Variants in AGO3 observed in about 807,000 individuals in gnomAD.
The protein encoded by AGO3 is argonaute RISC catalytic component 3, also known as protein argonaute-3.
Under a neutral mutation model 105.5 loss-of-function variants are expected in AGO3, and 16 were observed. That is an observed-to-expected ratio of 0.15 (90% CI 0.10 to 0.23). The LOEUF (loss-of-function observed/expected upper bound fraction) is 0.23, where lower values mean the gene tolerates loss of function less well. AGO3 is among the 10% of genes least tolerant of loss of function. AGO3 has a pLI of 1.00. For missense variants in AGO3, 534 were observed against 1,088.0 expected (o/e 0.49, Z 7.16); for synonymous variants, 340 against 367.3 (o/e 0.93, Z 0.85).
At chr1:36,022,933 CAAAAAAAA>C (rs1276165724) in intron 11 of AGO3, among the ~76,000 whole-genome samples, 3 of 25,390 alleles carry the variant, frequency 1.2e-4, no homozygotes, top group East Asian at 4.7e-4. Flanking sequence ...AAAAAAAAAA[CAAAAAAAA>C]AAACAAAAAA....
At chr1:36,049,687 A>G (rs1329493120) in intron 17 of AGO3, among the ~76,000 whole-genome samples, 1 of 152,212 alleles carries the variant, frequency 6.6e-6, no homozygotes, top group Non-Finnish European at 1.5e-5. Flanking sequence ...AAAGACACAT[A>G]TAAACTGAAA....
chr1:36,039,151 G>C (rs1338378876), intron 14 of AGO3, among the ~76,000 whole-genome samples: 1 of 152,050 alleles, frequency 6.6e-6, no homozygotes, highest in African/African-American at 2.4e-5. Flanking sequence ...CCTATACTAG[G>C]TGTTTTATTC....
intron 2 of AGO3, among the ~76,000 whole-genome samples, chr1:35,952,420 G>C (rs1646491667): frequency 1.3e-5 from 2 of 151,760 alleles, no homozygotes; most frequent in African/African-American, 4.9e-5. Context: ...TAGGATTACA[G>C]GGGTGAGCCA....
chr1:35,963,522 G>A (rs1261816921), intron 2 of AGO3, among the ~76,000 whole-genome samples: 2 of 152,016 alleles, frequency 1.3e-5, no homozygotes, highest in African/African-American at 4.8e-5. Flanking sequence ...TTAGGAAATG[G>A]AGATGGAAAG....
At chr1:36,018,174 A>T (rs1228421777) in intron 11 of AGO3, among the ~76,000 whole-genome samples, 1 of 151,750 alleles carries the variant, frequency 6.6e-6, no homozygotes, top group African/African-American at 2.4e-5. Context: ...GGGTTTCACC[A>T]CGTTAGCCAG....
intron 5 of AGO3, among the ~76,000 whole-genome samples, chr1:36,002,236 A>C (rs1402408017): frequency 6.7e-6 from 1 of 149,630 alleles, no homozygotes; most frequent in Non-Finnish European, 1.5e-5. Context: ...GGCCAGGCTG[A>C]TCTTGAACTA....
At chr1:36,046,303 A>C (rs1284890211) in intron 17 of AGO3, among the ~76,000 whole-genome samples, 1 of 152,184 alleles carries the variant, frequency 6.6e-6, no homozygotes, top group Non-Finnish European at 1.5e-5. Flanking sequence ...TTTATTGTTA[A>C]GGCTATGCTA....
At chr1:35,958,778 A>G (rs1646622962) in intron 2 of AGO3, among the ~76,000 whole-genome samples, 2 of 152,226 alleles carry the variant, frequency 1.3e-5, no homozygotes, top group African/African-American at 4.8e-5. Flanking sequence ...ACAGAGTAAT[A>G]AAGATAAGTT....
At chr1:35,978,745 G>A (rs939572960) in intron 5 of AGO3, among the ~76,000 whole-genome samples, 22 of 152,166 alleles carry the variant, frequency 1.4e-4, no homozygotes, top group African/African-American at 5.3e-4. Flanking sequence ...TGCTGACAAT[G>A]GGAATTATTC....
At chr1:36,028,391 T>TCCCCCCCCCCCCCCCCCCCCCCC (rs771926822) in intron 12 of AGO3, among the ~76,000 whole-genome samples, 1 of 57,176 alleles carries the variant, frequency 1.7e-5, no homozygotes, top group African/African-American at 6.8e-5. Flanking sequence ...ATGCTATCCC[T>TCCCCCCCCCCCCCCCCCCCCCCC]CCCCCCCCCC....
intron 11 of AGO3, among the ~76,000 whole-genome samples, chr1:36,018,655 T>A (rs942931582): frequency 1.3e-5 from 2 of 152,050 alleles, no homozygotes; most frequent in Non-Finnish European, 2.9e-5. Context: ...ATGGTCTCGA[T>A]CTCCTGACCT....
rs1643168934 is a variant in AGO3 at position 36,071,676 on chromosome 1, A to G, written c.*15931A>G. On this transcript the variant is annotated 3_prime_UTR_variant, in exon 19 of 19. Transcript: ENST00000373191. ...AAGAAAAATTTATTGTAGTATTTCAAGACTGCAGAATTTCAAGTGTATATC... is the reference window on the plus strand; with the variant it reads ...AAGAAAAATTTATTGTAGTATTTCAGGACTGCAGAATTTCAAGTGTATATC... 6.6e-6 allele frequency: 1 copy of G among 152,180 alleles called. No homozygotes were observed. The highest frequency in any genetic ancestry group is 2.4e-5 in the African/African-American group (1 of 41,450). The allele number at this position is 152,180 out of a possible 1,614,324, so 9.4% of individuals were successfully genotyped here. A position where few individuals can be genotyped will look rare whatever the true frequency, so the allele number is the denominator to read the frequency against.
At chr1:35,995,237 T>TATATTA (rs1648203896) in intron 5 of AGO3, among the ~76,000 whole-genome samples, 1 of 142,248 alleles carries the variant, frequency 7.0e-6, no homozygotes, top group African/African-American at 2.6e-5. Flanking sequence ...TATATATATA[T>TATATTA]TATATAAAAT....
At chr1:36,040,244 A>C (rs983988108) in intron 15 of AGO3, 63 bp from the exon 16 acceptor site, 1 of 1,515,782 alleles carries the variant, frequency 6.6e-7, no homozygotes, top group Non-Finnish European at 9.0e-7. Flanking sequence ...TCATTATCCT[A>C]CTTTGAAGTA....
At position 36,065,617 on chromosome 1, in the gene AGO3, T is replaced by A. The variant is rs114618949; in HGVS notation, c.*9872T>A. 2,232 of 151,294 alleles carry A rather than the reference T, an allele frequency of 0.015. 44 individuals carry two copies. Among genetic ancestry groups the A allele is most frequent in the African/African-American group, 0.051 (2,101 of 41,220 alleles). The allele number at this position is 151,294 out of a possible 1,614,324, so 9.4% of individuals were successfully genotyped here. ...GCAAGACTCCATCTCAAAACAAACA[T>A]ACAAACAAAAAAAGGTGCCTCTGGT... is the stretch of plus-strand genomic sequence containing the variant. On this transcript the variant is annotated 3_prime_UTR_variant, in exon 19 of 19. Coordinates refer to ENST00000373191, the MANE Select transcript of AGO3 (RefSeq NM_024852.4).
intron 1 of AGO3, among the ~76,000 whole-genome samples, chr1:35,936,550 G>C (rs1461651396): frequency 6.6e-6 from 1 of 152,082 alleles, no homozygotes; most frequent in Non-Finnish European, 1.5e-5. Flanking sequence ...TTGAACTCCT[G>C]ACCTCAGGTA....
At chr1:35,940,228 G>A (rs951071805) in intron 1 of AGO3, among the ~76,000 whole-genome samples, 10 of 151,934 alleles carry the variant, frequency 6.6e-5, no homozygotes, top group Non-Finnish European at 1.3e-4. Context: ...CATGACGCCC[G>A]GCTAATTTTT....
At chr1:36,002,040 C>T (rs544256812) in intron 5 of AGO3, among the ~76,000 whole-genome samples, 2 of 152,108 alleles carry the variant, frequency 1.3e-5, no homozygotes, top group Non-Finnish European at 2.9e-5. Flanking sequence ...TTTTTTGAGA[C>T]GAAATGTCTT....
intron 1 of AGO3, among the ~76,000 whole-genome samples, chr1:35,940,544 A>G (rs1001275903): frequency 2.6e-5 from 4 of 152,006 alleles, no homozygotes; most frequent in African/African-American, 9.7e-5. Flanking sequence ...CCATCTTTAC[A>G]ATTTAATTTA....
Sources: gnomAD v4.1 joint callset for allele counts (sites outside exome capture counted in the v4.1 genomes callset) on GRCh38, gnomAD v4.1.1 for gene constraint, MANE v1.5 for transcripts, NCBI Gene and HGNC (gene_info 2026-07-23, HGNC 2026-07-21) for gene names.